Variants in TRIM45 observed in about 807,000 individuals in gnomAD.
TRIM45 encodes the protein tripartite motif containing 45.
Under a neutral mutation model 46.7 loss-of-function variants are expected in TRIM45, and 45 were observed. The ratio of observed to expected loss-of-function variants is 0.96; its 90% CI spans 0.76 to 1.24. The LOEUF is 1.24. Ranked by LOEUF, TRIM45 falls within the 50% of genes most tolerant of loss-of-function variation. The pLI is 0.00. For missense variants in TRIM45, 680 were observed against 728.4 expected (o/e 0.93, Z 0.77); for synonymous variants, 259 against 285.8 (o/e 0.91, Z 0.94).
At chr1:117,123,891 A>G (rs571360514), upstream of TRIM45, among the ~76,000 whole-genome samples, 4 of 152,104 alleles carry the variant, frequency 2.6e-5, no homozygotes, top group South Asian at 8.3e-4. Context: ...TCGGCCTCCC[A>G]AAGCGCTGGG....
upstream of TRIM45, chr1:117,122,013 C>T (rs561467461): frequency 1.0e-4 from 56 of 546,714 alleles, no homozygotes; most frequent in African/African-American, 1.0e-3. Context: ...GTGTAGTCAG[C>T]GTCACCGTTT....
chr1:117,123,877 C>T (rs549903815), upstream of TRIM45, among the ~76,000 whole-genome samples: 4 of 152,234 alleles, frequency 2.6e-5, no homozygotes, highest in East Asian at 1.9e-4. Context: ...GTGATCCACC[C>T]GCCTCGGCCT....
In TRIM45 at chr1:117,118,603, T is replaced by C. The variant is rs1342077728; in HGVS notation, c.653A>G (p.Glu218Gly). The change falls in exon 2 of 6, where the codon GAG becomes GGG. Residue 218 changes from glutamate (E) to glycine (G), a missense_variant. Physicochemically the swap from Glu to Gly is moderately conservative, Grantham distance 98. This residue lies in a region of TRIM45 where 349 missense variants were observed against 343.6 expected (regional missense o/e 1.02). Transcript: ENST00000256649. This position sits in a 1 kb window ranked among gnomAD's most constrained non-coding sequence, Gnocchi z 5.7. ...GAAGTCACAGGGGTGTTCCCGATGC[T>C]CCCCCACCACACAATCCTGGCACAC... ...RPVCQDCVVG[E>G]HREHPCDFTS... is the part of the protein sequence containing the mutation. 1.9e-6 allele frequency: 3 copies of C among 1,613,944 alleles called. No homozygotes were observed. Among genetic ancestry groups the C allele is most frequent in the Non-Finnish European group, 2.5e-6 (3 of 1,179,990 alleles).
chr1:117,117,733 A>G lies in TRIM45; in HGVS notation c.1222+301T>C, dbSNP rs896293461. Among the ~76,000 whole-genome samples, 1 of 152,150 alleles carries G rather than the reference A, an allele frequency of 6.6e-6. No homozygotes were observed. The highest frequency in any genetic ancestry group is 1.5e-5 in the Non-Finnish European group (1 of 68,020). The stretch of plus-strand genomic sequence containing the variant: ...GGCCCTAGTCACTGCTGTTACCTCC[A>G]ACGGGCACTGTCTCTGTTCTGCCAT... On this transcript the variant is annotated intron_variant, in intron 2 of 5. Coordinates refer to ENST00000256649, the MANE Select transcript of TRIM45 (RefSeq NM_025188.4). This position sits in a 1 kb window ranked among gnomAD's most constrained non-coding sequence, Gnocchi z 4.9.
chr1:117,120,698 A>G lies in TRIM45; in HGVS notation c.488+16T>C, dbSNP rs767779004. On this transcript the variant is annotated intron_variant, in intron 1 of 5. Coordinates refer to ENST00000256649, the MANE Select transcript of TRIM45 (RefSeq NM_025188.4). ...TCTGCTCTTAAGCTACACCTGATGG[A>G]GTGTCCCATCTTTACCTATGAGCCT... The G allele has an allele frequency of 6.3e-7, 1 of 1,584,116 alleles. No homozygotes were observed. Among genetic ancestry groups the G allele is most frequent in the African/African-American group, 1.3e-5 (1 of 74,256 alleles).
Position 117,118,525 on chromosome 1 carries a change from C to A in TRIM45, c.731G>T (p.Gly244Val), listed in dbSNP as rs745715773. 4 of 1,614,182 alleles carry A rather than the reference C, an allele frequency of 2.5e-6. No homozygotes were observed. Among genetic ancestry groups the A allele is most frequent in the Non-Finnish European group, 8.5e-7 (1 of 1,180,026 alleles). Residue 244 changes from glycine (G) to valine (V), a missense_variant, in exon 2 of 6, where the codon GGT becomes GTT. By Grantham distance (109) the Gly-to-Val change is moderately radical. Around this residue, in one of 3 missense-constraint regions of TRIM45, gnomAD observed 349 missense variants for 343.6 expected, o/e 1.02. Coordinates refer to ENST00000256649, the MANE Select transcript of TRIM45 (RefSeq NM_025188.4). The surrounding 1 kb of genome is among the most constrained non-coding windows in gnomAD (Gnocchi z 5.7). ...CAGGGCCTCCACGTGGGGCTGAGTACCTTTGAGGAGCTCCCACACAGAGTC... is the reference window on the plus strand; with the variant it reads ...CAGGGCCTCCACGTGGGGCTGAGTAACTTTGAGGAGCTCCCACACAGAGTC... The part of the protein sequence containing the change: ...HGDSVWELLK[G>V]TQPHVEALEE...
At chr1:117,123,324 A>C (rs1423495451), upstream of TRIM45, among the ~76,000 whole-genome samples, 1 of 152,138 alleles carries the variant, frequency 6.6e-6, no homozygotes, top group Admixed American at 6.5e-5. Flanking sequence ...TCTTGCTTTG[A>C]ACTTCACCTT....
In TRIM45 at chr1:117,118,772, G is replaced by A; in HGVS notation, c.489-5C>T. ...TAAGTCGTTTTCTTCTGCCGCCTAG[G>A]GGCAAACAGAATCAGTAACAGGAAA... On this transcript the variant is annotated splice_region_variant and splice_polypyrimidine_tract_variant and intron_variant, in intron 1 of 5. Coordinates refer to ENST00000256649, the MANE Select transcript of TRIM45 (RefSeq NM_025188.4). This position sits in a 1 kb window ranked among gnomAD's most constrained non-coding sequence, Gnocchi z 5.7. 5 of 1,607,898 alleles carry A rather than the reference G, an allele frequency of 3.1e-6. No individual in the cohort carries two copies. Among genetic ancestry groups the A allele is most frequent in the Non-Finnish European group, 4.3e-6 (5 of 1,176,420 alleles).
In TRIM45 at chr1:117,112,240, G is replaced by C. The variant is rs926803862; in HGVS notation, c.*65C>G. On this transcript the variant is annotated 3_prime_UTR_variant, in exon 6 of 6. Coordinates refer to ENST00000256649, the MANE Select transcript of TRIM45 (RefSeq NM_025188.4). ...ATCAGTCTCTTTAGAATGAACGAAG[G>C]TCTGGGTCCTCTGGAAATCTCAAGT... 6.2e-6 allele frequency: 9 copies of C among 1,440,948 alleles called. No individual in the cohort carries two copies. Among genetic ancestry groups the C allele is most frequent in the Non-Finnish European group, 7.3e-6 (8 of 1,090,492 alleles). The allele number at this position is 1,440,948 out of a possible 1,614,324, so 89.3% of individuals were successfully genotyped here. A position where few individuals can be genotyped will look rare whatever the true frequency, so the allele number is the denominator to read the frequency against.
chr1:117,120,578 G>A (rs1650579479), intron 1 of TRIM45, 136 bp downstream of exon 1: 2 of 1,255,980 alleles, frequency 1.6e-6, no homozygotes, highest in Non-Finnish European at 2.2e-6. Context: ...ATTTGCTATT[G>A]CATTGTTATA....
rs1349948535 is a variant in TRIM45 at position 117,115,825 on chromosome 1, T to C, written c.1353-136A>G. On this transcript the variant is annotated intron_variant, in intron 3 of 5. Transcript: ENST00000256649. The surrounding 1 kb of genome is among the most constrained non-coding windows in gnomAD (Gnocchi z 4.2). Reference sequence around the variant, plus strand: ...TACCCAAACAGGATGCTTCTTCCATTTGCTTCAGAAGTTAATTTTACAACA... The same window carrying C: ...TACCCAAACAGGATGCTTCTTCCATCTGCTTCAGAAGTTAATTTTACAACA... 1 of 624,406 alleles carries C rather than the reference T, an allele frequency of 1.6e-6. No homozygotes were observed. The highest frequency in any genetic ancestry group is 2.0e-5 in the South Asian group (1 of 49,076). The allele number at this position is 624,406 out of a possible 1,614,324, so 38.7% of individuals were successfully genotyped here.
rs887081204 is a variant in TRIM45 at position 117,121,719 on chromosome 1, G to A, written c.-518C>T. On this transcript the variant is annotated 5_prime_UTR_variant, in exon 1 of 6. Coordinates refer to ENST00000256649, the MANE Select transcript of TRIM45 (RefSeq NM_025188.4). The surrounding 1 kb of genome is among the most constrained non-coding windows in gnomAD (Gnocchi z 4.2). ...TCTCGGTGTCCACCGCCTCTCCCGC[G>A]CCTCGGCCCGGGACGCCCGCGGGCT... The A allele has an allele frequency of 2.7e-5, 16 of 583,480 alleles. No individual in the cohort carries two copies. Among genetic ancestry groups the A allele is most frequent in the Non-Finnish European group, 4.6e-5 (15 of 323,548 alleles). The allele number at this position is 583,480 out of a possible 1,614,324, so 36.1% of individuals were successfully genotyped here.
Position 117,121,038 on chromosome 1 carries a change from T to G in TRIM45, c.164A>C (p.Gln55Pro). 1 of 1,614,192 alleles carries G rather than the reference T, an allele frequency of 6.2e-7. No homozygotes were observed. The highest frequency in any genetic ancestry group is 1.3e-5 in the African/African-American group (1 of 75,036). ...LHTVCTTCLE[Q>P]LEPFSVVDIR... is the part of the protein sequence containing the mutation. ...GTCCACTACTGAGAAGGGCTCCAGC[T>G]GCTCCAGACACGTGGTGCAAACTGT... Residue 55 changes from glutamine (Q) to proline (P), a missense_variant, in exon 1 of 6, where the codon CAG becomes CCG. By Grantham distance (76) the Gln-to-Pro change is moderately conservative (BLOSUM62 -1). This residue lies in a region of TRIM45 where 349 missense variants were observed against 343.6 expected (regional missense o/e 1.02). Transcript: ENST00000256649. This position sits in a 1 kb window ranked among gnomAD's most constrained non-coding sequence, Gnocchi z 4.2.
rs1405096784 is a variant in TRIM45 at position 117,121,441 on chromosome 1, CCCT to C, written c.-243_-241del. The C allele has an allele frequency of 5.7e-6, 3 of 529,052 alleles. No individual in the cohort carries two copies. Among genetic ancestry groups the C allele is most frequent in the Admixed American group, 7.2e-5 (2 of 27,712 alleles). The allele number at this position is 529,052 out of a possible 1,614,324, so 32.8% of individuals were successfully genotyped here. On this transcript the variant is annotated 5_prime_UTR_variant, in exon 1 of 6. Transcript: ENST00000256649. The surrounding 1 kb of genome is among the most constrained non-coding windows in gnomAD (Gnocchi z 4.2). Reference sequence around the variant, plus strand: ...GCATCCCACACCAGACACGCCCACGCCCTCCTCTGCCCCGCAAGTCCTCCCCGG... The same window carrying C: ...GCATCCCACACCAGACACGCCCACGCCCTCTGCCCCGCAAGTCCTCCCCGG...
At chr1:117,112,700 C>T (rs1210768553) in intron 5 of TRIM45, among the ~76,000 whole-genome samples, 1 of 152,116 alleles carries the variant, frequency 6.6e-6, no homozygotes, top group East Asian at 1.9e-4. Context: ...TAGAACTTAC[C>T]ACCTGAAGGA....
chr1:117,121,799 C>G (rs544306365), upstream of TRIM45: 14 of 710,242 alleles, frequency 2.0e-5, no homozygotes, highest in Non-Finnish European at 3.1e-5. The surrounding 1 kb of genome is among the most constrained non-coding windows in gnomAD (Gnocchi z 4.2). Context: ...GTCCAATCAC[C>G]GTCCGAGAGC....
rs1050639706 is a variant in TRIM45, at chr1:117,117,624, T to C, written c.1222+410A>G. Among the ~76,000 whole-genome samples, 2 of 152,204 alleles carry C rather than the reference T, an allele frequency of 1.3e-5. No individual in the cohort carries two copies. The highest frequency in any genetic ancestry group is 4.8e-5 in the African/African-American group (2 of 41,450). On this transcript the variant is annotated intron_variant, in intron 2 of 5. Coordinates refer to ENST00000256649, the MANE Select transcript of TRIM45 (RefSeq NM_025188.4). This position sits in a 1 kb window ranked among gnomAD's most constrained non-coding sequence, Gnocchi z 4.9. ...AAAGGAAACCGTAATCTCATCTTCC[T>C]CATTCCTCTGAAACTCCCTTCAGAA...
intron 5 of TRIM45, among the ~76,000 whole-genome samples, chr1:117,112,742 A>G (rs1268200503): frequency 6.6e-6 from 1 of 152,184 alleles, no homozygotes; most frequent in African/African-American, 2.4e-5. Flanking sequence ...ACTGTAAAAT[A>G]AATTGGTTTG....
intron 5 of TRIM45, among the ~76,000 whole-genome samples, chr1:117,112,825 C>G (rs1353054330): frequency 6.6e-6 from 1 of 152,090 alleles, no homozygotes; most frequent in Non-Finnish European, 1.5e-5. Context: ...GGTAGATCCT[C>G]AAGTGTTTAT....
Sources: allele counts gnomAD v4.1 joint callset (sites outside exome capture counted in the v4.1 genomes callset), GRCh38; gene constraint gnomAD v4.1.1; regional missense constraint gnomAD v4.1.1; non-coding constraint Gnocchi (gnomAD v3.1); transcripts MANE v1.5; gene names NCBI Gene and HGNC (gene_info 2026-07-23, HGNC 2026-07-21).